FUT8: variants seen among roughly 807,000 people sequenced by gnomAD.
FUT8 encodes alpha-(1,6)-fucosyltransferase.
Under a neutral mutation model 71.3 loss-of-function variants are expected in FUT8, and 29 were observed. That is an observed-to-expected ratio of 0.41 (90% CI 0.30 to 0.55). FUT8 has a LOEUF of 0.55. Among genes scored for constraint, FUT8 ranks in the 20% least tolerant of loss-of-function variants. The pLI is 0.34. For missense variants in FUT8, 544 were observed against 702.1 expected (o/e 0.77, Z 2.55); for synonymous variants, 254 against 239.3 (o/e 1.06, Z -0.57).
intron 10 of FUT8, among the ~76,000 whole-genome samples, chr14:65,741,458 C>T: frequency 6.6e-6 from 1 of 151,912 alleles, no homozygotes; most frequent in East Asian, 1.9e-4. Context: ...GGAGATATAC[C>T]TAATGTTAAA....
intron 2 of FUT8, among the ~76,000 whole-genome samples, chr14:65,521,423 T>G (rs911410071): frequency 6.6e-6 from 1 of 152,184 alleles, no homozygotes; most frequent in Non-Finnish European, 1.5e-5. Context: ...CAGATGTTGA[T>G]AAGTGTTCTA....
intron 10 of FUT8, among the ~76,000 whole-genome samples, chr14:65,739,812 T>A (rs1896404298): frequency 6.6e-6 from 1 of 152,032 alleles, no homozygotes; most frequent in Non-Finnish European, 1.5e-5. Flanking sequence ...CAACCTGAAT[T>A]TACCACTTAT....
intron 7 of FUT8, among the ~76,000 whole-genome samples, chr14:65,696,780 A>G (rs1167897421): frequency 2.6e-5 from 4 of 151,980 alleles, no homozygotes; most frequent in Non-Finnish European, 5.9e-5. Context: ...TTGTAAGTTT[A>G]TGTTCACATA....
intron 5 of FUT8, among the ~76,000 whole-genome samples, chr14:65,620,408 TA>T (rs1446055642): frequency 7.2e-5 from 11 of 152,194 alleles, no homozygotes; most frequent in African/African-American, 2.4e-4. Flanking sequence ...TTATGTTAAT[TA>T]TGCTGATTTG....
chr14:65,364,730 G>C, the FUT8 span, among the ~76,000 whole-genome samples: 1 of 152,160 alleles, frequency 6.6e-6, no homozygotes, highest in African/African-American at 2.4e-5. Flanking sequence ...GAGTATGACA[G>C]GACCACACAC....
chr14:65,407,639 G>C (rs1420847440), upstream of FUT8, among the ~76,000 whole-genome samples: 1 of 152,144 alleles, frequency 6.6e-6, no homozygotes, highest in Non-Finnish European at 1.5e-5. Context: ...AGACATATCT[G>C]TGTTAGGAAC....
intron 7 of FUT8, among the ~76,000 whole-genome samples, chr14:65,680,612 A>C (rs1334871934): frequency 6.6e-6 from 1 of 152,214 alleles, no homozygotes; most frequent in African/African-American, 2.4e-5. Flanking sequence ...GTTGATTAGA[A>C]AGCTGTACAT....
chr14:65,624,874 G>C (rs1889812897), intron 5 of FUT8, among the ~76,000 whole-genome samples: 1 of 152,170 alleles, frequency 6.6e-6, no homozygotes, highest in African/African-American at 2.4e-5. Flanking sequence ...AGACAAGCCT[G>C]ACCAACATGG....
chr14:65,633,732 C>T (rs1241879722), intron 6 of FUT8, among the ~76,000 whole-genome samples: 1 of 149,262 alleles, frequency 6.7e-6, no homozygotes, highest in Non-Finnish European at 1.5e-5. Context: ...AGTGAGGAGA[C>T]CCTCTGCCAG....
At chr14:65,733,192 G>A (rs1237837103) in intron 9 of FUT8, 39 bp from the exon 10 acceptor site, 2 of 1,346,400 alleles carry the variant, frequency 1.5e-6, no homozygotes, top group Middle Eastern at 1.9e-4. Flanking sequence ...AGGATACTGT[G>A]ATATCTATGA....
chr14:65,722,430 TA>T (rs1895465649), intron 8 of FUT8, among the ~76,000 whole-genome samples: 1 of 152,166 alleles, frequency 6.6e-6, no homozygotes, highest in South Asian at 2.1e-4. Flanking sequence ...TAGCTGGGTC[TA>T]AAGGCATGTA....
chr14:65,399,717 G>T, the FUT8 span, among the ~76,000 whole-genome samples: 1 of 152,178 alleles, frequency 6.6e-6, no homozygotes, highest in Non-Finnish European at 1.5e-5. Context: ...TTAAAATAAG[G>T]CCAAGGAAGG....
At chr14:65,432,024 CTGT>C (rs1483064095) in intron 1 of FUT8, among the ~76,000 whole-genome samples, 3 of 152,116 alleles carry the variant, frequency 2.0e-5, no homozygotes, top group African/African-American at 7.2e-5. Flanking sequence ...ACTGTTCTTT[CTGT>C]TGTTACCAGT....
chr14:65,359,474 C>G, the FUT8 span, among the ~76,000 whole-genome samples: 12 of 151,398 alleles, frequency 7.9e-5, no homozygotes, highest in Admixed American at 6.6e-4. Flanking sequence ...AGCTGAACCT[C>G]TGAGCCTGTT....
chr14:65,549,988 G>C (rs1885198184), intron 2 of FUT8, among the ~76,000 whole-genome samples: 1 of 152,160 alleles, frequency 6.6e-6, no homozygotes, highest in Non-Finnish European at 1.5e-5. Flanking sequence ...TTGAACCCAG[G>C]AGTTGGAGGT....
At chr14:65,478,291 A>G (rs1483271104) in intron 2 of FUT8, among the ~76,000 whole-genome samples, 2 of 152,250 alleles carry the variant, frequency 1.3e-5, no homozygotes, top group East Asian at 3.9e-4. Flanking sequence ...ACTGAACCCT[A>G]TATATACAGG....
At chr14:65,544,887 A>G (rs926550469) in intron 2 of FUT8, among the ~76,000 whole-genome samples, 7 of 151,952 alleles carry the variant, frequency 4.6e-5, no homozygotes, top group Admixed American at 3.3e-4. Context: ...TAATCTTGGT[A>G]GGATTTATAT....
intron 6 of FUT8, among the ~76,000 whole-genome samples, chr14:65,663,395 C>T (rs2140355490): frequency 6.6e-6 from 1 of 151,894 alleles, no homozygotes; most frequent in African/African-American, 2.4e-5. Flanking sequence ...TAGATACGTA[C>T]TCTGATAAAC....
chr14:65,467,513 G>C lies in FUT8; in HGVS notation c.-228+11795G>C, dbSNP rs1426332185. Among the ~76,000 whole-genome samples, 3 of 151,894 alleles carry C rather than the reference G, an allele frequency of 2.0e-5. No individual in the cohort carries two copies. The highest frequency in any genetic ancestry group is 4.4e-5 in the Non-Finnish European group (3 of 67,992). Reference sequence around the variant, plus strand: ...TATTTTTGAGACAGAGTCTCACACTGTCGCCCGGGCTGGAGTGCAGTGGTG... The same window carrying C: ...TATTTTTGAGACAGAGTCTCACACTCTCGCCCGGGCTGGAGTGCAGTGGTG... On this transcript the variant is annotated intron_variant, in intron 2 of 10. Transcript: ENST00000673929. The surrounding 1 kb of genome is among the most constrained non-coding windows in gnomAD (Gnocchi z 4.1).
Sources: gnomAD v4.1 joint callset for allele counts (sites outside exome capture counted in the v4.1 genomes callset) on GRCh38, gnomAD v4.1.1 for gene constraint, Gnocchi (gnomAD v3.1) non-coding constraint, MANE v1.5 for transcripts, NCBI Gene and HGNC (gene_info 2026-07-23, HGNC 2026-07-21) for gene names.